SLC5A2: variants seen among roughly 807,000 people sequenced by gnomAD.
SLC5A2 encodes the protein solute carrier family 5 member 2, also known as sodium/glucose cotransporter 2.
A neutral mutation model predicts 69.0 loss-of-function variants in SLC5A2; 67 were observed. The observed-to-expected ratio is 0.97, with a 90% CI of 0.80 to 1.19. SLC5A2 has a LOEUF of 1.19. Among genes scored for constraint, SLC5A2 ranks in the 50% most tolerant of loss-of-function variants. The pLI is 0.00. For synonymous variants in SLC5A2, 455 were observed against 395.8 expected (o/e 1.15, Z -1.78); for missense variants, 1,001 against 921.5 (o/e 1.09, Z -1.12).
Position 31,490,138 on chromosome 16 carries a change from A to C in SLC5A2, c.1700A>C (p.Lys567Thr). The change falls in exon 13 of 14, where the codon AAG (lysine) becomes ACG (threonine). Residue 567 changes from lysine to threonine, a missense_variant. Physicochemically the swap from Lys to Thr is moderately conservative, Grantham distance 78. Transcript: ENST00000330498. ...CTGGTCTTCAGTCTCCGGCATAGCA[A>C]GGAGGAACGGGAGGACCTGGATGCT... ...HRLVFSLRHS[K>T]EEREDLDADE... is the part of the protein sequence containing the mutation. The C allele has an allele frequency of 6.2e-7, 1 of 1,614,118 alleles. No individual in the cohort carries two copies. The highest frequency in any genetic ancestry group is 1.1e-5 in the South Asian group (1 of 91,080).
At chr16:31,487,876 C>A in intron 7 of SLC5A2, 117 bp downstream of exon 7, 2 of 1,398,756 alleles carry the variant, frequency 1.4e-6, no homozygotes, top group Non-Finnish European at 1.9e-6. Flanking sequence ...GGGCGGGAAC[C>A]CCTCGGGTTG....
chr16:31,484,989 G>A (rs1227002068), intron 3 of SLC5A2, 66 bp downstream of exon 3: 3 of 1,381,674 alleles, frequency 2.2e-6, no homozygotes, highest in Non-Finnish European at 3.0e-6. Context: ...CACACCTTGG[G>A]GAAACTCCAG....
intron 1 of SLC5A2, among the ~76,000 whole-genome samples, chr16:31,484,379 C>G (rs529209081): frequency 6.7e-6 from 1 of 150,286 alleles, no homozygotes; most frequent in East Asian, 2.0e-4. Context: ...CAAAATCACA[C>G]CACTGCACTC....
intron 3 of SLC5A2, chr16:31,485,260 G>A: frequency 2.1e-6 from 1 of 487,320 alleles, no homozygotes; most frequent in Non-Finnish European, 3.8e-6. Flanking sequence ...GGTCTGTGAG[G>A]AATTTGGGGC....
intron 3 of SLC5A2, 128 bp downstream of exon 3, chr16:31,485,051 G>A: frequency 1.1e-6 from 1 of 879,508 alleles, no homozygotes; most frequent in African/African-American, 1.7e-5. Flanking sequence ...GGGTGTGACT[G>A]GGCTGGGAGT....
In SLC5A2 at chr16:31,484,719, C is replaced by A; in HGVS notation, c.173C>A (p.Ala58Glu). Residue 58 changes from alanine (A) to glutamate (E), a missense_variant, in exon 2 of 14, where the codon GCA (alanine) becomes GAA (glutamate). Physicochemically the swap from Ala to Glu is moderately radical, Grantham distance 107. Transcript: ENST00000330498. Reference protein sequence around the residue: ...NRGTVGGYFLAGRSMVWWPVG... With the variant: ...NRGTVGGYFLEGRSMVWWPVG... Reference sequence around the variant, plus strand: ...GGCACTGTGGGCGGCTACTTCCTGGCAGGACGCAGCATGGTGTGGTGGCCG... The same window carrying A: ...GGCACTGTGGGCGGCTACTTCCTGGAAGGACGCAGCATGGTGTGGTGGCCG... 2 of 1,609,896 alleles carry A rather than the reference C, an allele frequency of 1.2e-6. No individual in the cohort carries two copies. Among genetic ancestry groups the A allele is most frequent in the Non-Finnish European group, 1.7e-6 (2 of 1,180,028 alleles).
At position 31,488,041 on chromosome 16, in the gene SLC5A2, A is replaced by T; in HGVS notation, c.889A>T (p.Ile297Phe). Residue 297 changes from isoleucine (I) to phenylalanine (F), a missense_variant, in exon 8 of 14, where the codon ATC (isoleucine) becomes TTC (phenylalanine). Coordinates refer to ENST00000330498, the MANE Select transcript of SLC5A2 (RefSeq NM_003041.4). ...SGWYWCSDQV[I>F]VQRCLAGKSL... ...CAGCTGAACGCCCCTCCCGTAGGTC[A>T]TCGTGCAGCGCTGCCTGGCCGGGAA... 1 of 1,613,498 alleles carries T rather than the reference A, an allele frequency of 6.2e-7. No individual in the cohort carries two copies. Among genetic ancestry groups the T allele is most frequent in the Non-Finnish European group, 8.5e-7 (1 of 1,179,898 alleles).
rs143874850 is a variant in SLC5A2 at position 31,490,229 on chromosome 16, T to C, written c.1791T>C (p.Asn597=). 207 of 1,613,990 alleles carry C rather than the reference T, an allele frequency of 1.3e-4. No individual in the cohort carries two copies. Among genetic ancestry groups the C allele is most frequent in the Non-Finnish European group, 1.6e-4 (186 of 1,179,998 alleles). The change falls in exon 13 of 14, where the codon AAT becomes AAC. Residue 597 remains asparagine (N), a splice_region_variant and synonymous_variant. Transcript: ENST00000330498. ...NGCPESAMEM[N]EPQAPAPSLF... is the part of the protein sequence containing the mutation. ...GCCCAGAGAGTGCCATGGAGATGAA[T>C]GGTAGGGCACCATGCTGGGAGGTGG...
At position 31,487,699 on chromosome 16, in the gene SLC5A2, G is replaced by A. The variant is rs773449088; in HGVS notation, c.825G>A (p.Pro275=). 5.0e-5 allele frequency: 81 copies of A among 1,613,164 alleles called. 3 individuals carry two copies. The South Asian group carries it at 8.0e-4, about 16-fold the overall frequency. The stretch of plus-strand genomic sequence containing the variant: ...GGCACCCCGTGACCGGGGATCTGCC[G>A]TGGCCCGCGCTGCTCCTCGGACTCA... ...LLRHPVTGDL[P]WPALLLGLTI... The change falls in exon 7 of 14, where the codon CCG becomes CCA. Residue 275 remains proline, a synonymous_variant. Transcript: ENST00000330498.
chr16:31,485,870 C>T lies in SLC5A2; in HGVS notation c.445C>T (p.Leu149=), dbSNP rs768508951. 3.1e-6 allele frequency: 5 copies of T among 1,613,548 alleles called. No individual in the cohort carries two copies. In the African/African-American group the frequency reaches 6.7e-5, roughly 22 times the overall value. Residue 149 remains leucine (L), a synonymous_variant, in exon 4 of 14, where the codon CTG becomes TTG. Transcript: ENST00000330498. ...CTACCTGTCTGTGCTCTCCCTTTTCCTGTACATCTTCACCAAGATCTCAGT... is the reference window on the plus strand; with the variant it reads ...CTACCTGTCTGTGCTCTCCCTTTTCTTGTACATCTTCACCAAGATCTCAGT... ...RLYLSVLSLF[L]YIFTKISVDM... is the part of the protein sequence containing the mutation.
intron 11 of SLC5A2, 25 bp from the exon 12 acceptor site, chr16:31,489,098 G>A: frequency 6.2e-7 from 1 of 1,605,234 alleles, no homozygotes; most frequent in Non-Finnish European, 8.5e-7. Flanking sequence ...CACATCCTCA[G>A]CAGGCTGACC....
Position 31,485,474 on chromosome 16 carries a change from T to C in SLC5A2, c.304-255T>C, listed in dbSNP as rs1203636635. The C allele has an allele frequency of 2.8e-5, 16 of 579,134 alleles. No homozygotes were observed. In the South Asian group the frequency reaches 2.8e-4, roughly 10 times the overall value. 35.9% of individuals were successfully genotyped at this position (579,134 alleles called of 1,614,324 possible). ...GCTGGGGTTCATATCTAGATGATCA[T>C]AGGGACAACATTGGGAAAAACGGGC... On this transcript the variant is annotated intron_variant, in intron 3 of 13. Coordinates refer to ENST00000330498, the MANE Select transcript of SLC5A2 (RefSeq NM_003041.4).
intron 8 of SLC5A2, 78 bp downstream of exon 8, chr16:31,488,251 C>G: frequency 6.2e-7 from 1 of 1,610,848 alleles, no homozygotes; most frequent in Non-Finnish European, 8.5e-7. Context: ...TCCTAAGACT[C>G]GGCAGTTTGG....
chr16:31,489,320 G>A lies in SLC5A2; in HGVS notation c.1647G>A (p.Ala549=), dbSNP rs543496425. The A allele has an allele frequency of 9.3e-6, 15 of 1,608,908 alleles. No individual in the cohort carries two copies. The highest frequency in any genetic ancestry group is 4.0e-5 in the African/African-American group (3 of 75,042). ...LLTLTVSLCT[A]PIPRKHLHRL... ...CCCTCACGGTCTCCCTGTGCACCGCGCCCATCCCCAGAAAGCACGTGAGTG... is the reference window on the plus strand; with the variant it reads ...CCCTCACGGTCTCCCTGTGCACCGCACCCATCCCCAGAAAGCACGTGAGTG... Residue 549 remains alanine, a synonymous_variant, in exon 12 of 14, where the codon GCG becomes GCA. Transcript: ENST00000330498.
intron 10 of SLC5A2, 47 bp downstream of exon 10, chr16:31,488,819 G>A: frequency 6.2e-7 from 1 of 1,601,008 alleles, no homozygotes; most frequent in Middle Eastern, 1.7e-4. Context: ...CCCGGGGCGG[G>A]GGCTTGCGCA....
chr16:31,489,007 G>C lies in SLC5A2; in HGVS notation c.1408G>C (p.Val470Leu), dbSNP rs1451134374. ...SSYLAPPVSA[V>L]FVLALFVPRV... ...CTACCTGGCACCGCCCGTGTCCGCC[G>C]TCTTCGTGCTGGCGCTCTTCGTGCC... Residue 470 changes from valine to leucine, a missense_variant, in exon 11 of 14, where the codon GTC becomes CTC. Physicochemically the swap from Val to Leu is conservative, Grantham distance 32 (BLOSUM62 1). Transcript: ENST00000330498. 6.2e-7 allele frequency: 1 copy of C among 1,600,730 alleles called. No homozygotes were observed. The highest frequency in any genetic ancestry group is 1.1e-5 in the South Asian group (1 of 91,080).
intron 1 of SLC5A2, among the ~76,000 whole-genome samples, chr16:31,483,940 TAGTC>T (rs1233069941): frequency 2.6e-5 from 4 of 151,764 alleles, no homozygotes; most frequent in East Asian, 1.9e-4. Context: ...AAGGAAAAAT[TAGTC>T]AGGCATGGTG....
In SLC5A2 at chr16:31,488,191, C is replaced by T. The variant is rs1342992439; in HGVS notation, c.1021+18C>T. 4 of 1,613,894 alleles carry T rather than the reference C, an allele frequency of 2.5e-6. No homozygotes were observed. The East Asian group carries it at 8.9e-5, about 36-fold the overall frequency. ...GTACCCAGGTAACATCCCTGCCCCGCCCCTTTCCTGTGCCAGCAACCGGGC... is the reference window on the plus strand; with the variant it reads ...GTACCCAGGTAACATCCCTGCCCCGTCCCTTTCCTGTGCCAGCAACCGGGC... On this transcript the variant is annotated intron_variant, in intron 8 of 13. Coordinates refer to ENST00000330498, the MANE Select transcript of SLC5A2 (RefSeq NM_003041.4).
chr16:31,490,310 G>A lies in SLC5A2; in HGVS notation c.1794G>A (p.Glu598=). The A allele has an allele frequency of 6.2e-7, 1 of 1,612,268 alleles. No homozygotes were observed. Among genetic ancestry groups the A allele is most frequent in the Non-Finnish European group, 8.5e-7 (1 of 1,179,298 alleles). ...GCPESAMEMN[E]PQAPAPSLFR... ...CTGCAGGGCCTCAATTTCCCTCAGA[G>A]CCCCAGGCCCCGGCACCAAGCCTCT... is the stretch of plus-strand genomic sequence containing the variant. Residue 598 remains glutamate (E), a splice_region_variant and synonymous_variant, in exon 14 of 14, where the codon GAG becomes GAA. Coordinates refer to ENST00000330498, the MANE Select transcript of SLC5A2 (RefSeq NM_003041.4).
Sources: allele counts gnomAD v4.1 joint callset (sites outside exome capture counted in the v4.1 genomes callset), GRCh38; gene constraint gnomAD v4.1.1; transcripts MANE v1.5; gene names NCBI Gene and HGNC (gene_info 2026-07-23, HGNC 2026-07-21).